PAG1: variants seen among roughly 807,000 people sequenced by gnomAD.
The protein encoded by PAG1 is phosphoprotein membrane anchor with glycosphingolipid microdomains 1.
PAG1 carries 23 observed loss-of-function variants against 31.7 expected under a neutral mutation model. The observed-to-expected ratio is 0.73, with a 90% CI of 0.52 to 1.03. PAG1 has a LOEUF of 1.03. Among genes scored for constraint, PAG1 ranks in the 50% least tolerant of loss-of-function variants. PAG1 has a pLI of 0.00. For synonymous variants in PAG1, 214 were observed against 210.3 expected, an observed-to-expected ratio of 1.02 and a Z score of -0.15; for missense variants, 473 against 540.7, an observed-to-expected ratio of 0.87 and a Z score of 1.24.
At chr8:81,013,090 C>T (rs1808012335) in intron 3 of PAG1, among the ~76,000 whole-genome samples, 2 of 152,192 alleles carry the variant, frequency 1.3e-5, no homozygotes, top group Admixed American at 1.3e-4. Flanking sequence ...CATATGCCAA[C>T]TTAAAAGGCA....
chr8:81,051,999 G>A (rs1347926326), intron 2 of PAG1, among the ~76,000 whole-genome samples: 1 of 151,814 alleles, frequency 6.6e-6, no homozygotes, highest in Non-Finnish European at 1.5e-5. Flanking sequence ...GCGTGGTGGT[G>A]GGCGCCTGTA....
At chr8:81,016,660 C>G (rs913725324) in intron 3 of PAG1, among the ~76,000 whole-genome samples, 2 of 152,128 alleles carry the variant, frequency 1.3e-5, no homozygotes, top group Non-Finnish European at 2.9e-5. Context: ...TGGTTGATTG[C>G]AAAAAATAAC....
intron 1 of PAG1, among the ~76,000 whole-genome samples, chr8:81,108,559 C>A (rs4269491): frequency 0.53 from 64,264 of 121,846 alleles, 16,100 homozygotes; most frequent in East Asian, 1. Flanking sequence ...AGACTGTGAG[C>A]AGTCTGTGGT....
chr8:81,027,106 GATCAAGAGAT>G (rs1808294803), intron 3 of PAG1, among the ~76,000 whole-genome samples: 1 of 151,930 alleles, frequency 6.6e-6, no homozygotes, highest in Admixed American at 6.6e-5. Flanking sequence ...TGCCTCCCAG[GATCAAGAGAT>G]CCTCCCACTT....
chr8:81,086,068 G>A (rs188741082), intron 1 of PAG1, among the ~76,000 whole-genome samples: 9 of 124,860 alleles, frequency 7.2e-5, no homozygotes, highest in Middle Eastern at 4.3e-3. Context: ...TGCAAGCTCC[G>A]CCTCCCGGGT....
intron 1 of PAG1, among the ~76,000 whole-genome samples, chr8:81,085,385 T>C (rs1041945044): frequency 4.6e-5 from 7 of 152,090 alleles, no homozygotes; most frequent in African/African-American, 1.4e-4. Flanking sequence ...GAAAGAAAAC[T>C]AAACAGTGAA....
intron 2 of PAG1, among the ~76,000 whole-genome samples, chr8:81,062,808 C>T (rs879258299): frequency 2.0e-5 from 3 of 152,130 alleles, no homozygotes; most frequent in East Asian, 3.9e-4. Context: ...CCTCTTGAGT[C>T]GATGGGATTA....
At chr8:80,978,765 A>G (rs927340120) in intron 8 of PAG1, among the ~76,000 whole-genome samples, 1 of 152,180 alleles carries the variant, frequency 6.6e-6, no homozygotes, top group Non-Finnish European at 1.5e-5. Context: ...GAGTCTTCTC[A>G]TATTCCTTTT....
At chr8:81,029,487 A>G (rs1022355425) in intron 3 of PAG1, among the ~76,000 whole-genome samples, 8 of 152,174 alleles carry the variant, frequency 5.3e-5, no homozygotes, top group Admixed American at 2.0e-4. Context: ...AGGCTTACTT[A>G]GCAGGTATTT....
intron 3 of PAG1, among the ~76,000 whole-genome samples, chr8:80,997,489 T>C (rs768720057): frequency 6.6e-6 from 1 of 152,174 alleles, no homozygotes; most frequent in African/African-American, 2.4e-5. Flanking sequence ...CAGGCCGGTA[T>C]TGAACTCCTC....
intron 3 of PAG1, among the ~76,000 whole-genome samples, chr8:80,995,920 CT>C (rs1338295550): frequency 6.6e-6 from 1 of 152,188 alleles, no homozygotes; most frequent in Non-Finnish European, 1.5e-5. Context: ...TTATTACAAG[CT>C]GTGGAATAAA....
At chr8:81,036,587 G>A (rs1808465087) in intron 2 of PAG1, among the ~76,000 whole-genome samples, 1 of 152,160 alleles carries the variant, frequency 6.6e-6, no homozygotes, top group South Asian at 2.1e-4. Flanking sequence ...CAATTAAAGA[G>A]GTAGCCAAAG....
Position 80,990,529 on chromosome 8 carries a change from C to T in PAG1, c.177+950G>A, listed in dbSNP as rs2130482529. Among the ~76,000 whole-genome samples, 1 of 152,180 alleles carries T rather than the reference C, an allele frequency of 6.6e-6. No homozygotes were observed. Among genetic ancestry groups the T allele is most frequent in the East Asian group, 1.9e-4 (1 of 5,190 alleles). ...CACAGGACTCAGGGCAGATTCTGAA[C>T]TCTGCCTTGCTAATGTGACGATGGG... is the stretch of plus-strand genomic sequence containing the variant. On this transcript the variant is annotated intron_variant, in intron 5 of 8. Transcript: ENST00000220597. The surrounding 1 kb of genome is among the most constrained non-coding windows in gnomAD (Gnocchi z 5.1).
At chr8:81,074,879 T>C (rs1809152341) in intron 1 of PAG1, among the ~76,000 whole-genome samples, 1 of 152,224 alleles carries the variant, frequency 6.6e-6, no homozygotes, top group Admixed American at 6.5e-5. Flanking sequence ...AGCTCCACTT[T>C]AAGTCGCTCA....
intron 7 of PAG1, among the ~76,000 whole-genome samples, chr8:80,981,025 T>G (rs1807288990): frequency 6.6e-6 from 1 of 152,150 alleles, no homozygotes; most frequent in Non-Finnish European, 1.5e-5. Flanking sequence ...TGTCTTAATT[T>G]TTGGTGACCT....
rs1807521956 is a variant in PAG1, at chr8:80,990,668, G to A, written c.177+811C>T. 6.6e-6 allele frequency among the ~76,000 whole-genome samples: 1 copy of A among 152,096 alleles called. No homozygotes were observed. The highest frequency in any genetic ancestry group is 2.1e-4 in the South Asian group (1 of 4,816). On this transcript the variant is annotated intron_variant, in intron 5 of 8. Transcript: ENST00000220597. The surrounding 1 kb of genome is among the most constrained non-coding windows in gnomAD (Gnocchi z 5.1). ...CTGTTCCTCGCCAGGGTGGATCCCT[G>A]AGGGCCTCAGGATCATCAGGACCCT... is the stretch of plus-strand genomic sequence containing the variant.
chr8:81,069,509 T>C (rs2130961936), intron 2 of PAG1, among the ~76,000 whole-genome samples: 1 of 152,360 alleles, frequency 6.6e-6, no homozygotes, highest in Admixed American at 6.5e-5. Context: ...AAAGACAGAA[T>C]GTCTTTGTGT....
chr8:81,001,242 G>A (rs1244261544), intron 3 of PAG1, among the ~76,000 whole-genome samples: 3 of 152,232 alleles, frequency 2.0e-5, no homozygotes, highest in South Asian at 4.1e-4. Context: ...CCAGGAGGGA[G>A]GAACTTCAAA....
At chr8:81,081,384 G>T (rs1809263970) in intron 1 of PAG1, among the ~76,000 whole-genome samples, 1 of 152,062 alleles carries the variant, frequency 6.6e-6, no homozygotes, top group Non-Finnish European at 1.5e-5. Context: ...GATAGTTATA[G>T]ATTCACAAGC....
Sources: gnomAD v4.1 joint callset for allele counts (sites outside exome capture counted in the v4.1 genomes callset) on GRCh38, gnomAD v4.1.1 for gene constraint, Gnocchi (gnomAD v3.1) non-coding constraint, MANE v1.5 for transcripts, NCBI Gene and HGNC (gene_info 2026-07-23, HGNC 2026-07-21) for gene names.